Variants in EYS observed in about 807,000 individuals in gnomAD.
EYS encodes protein eyes shut homolog.
Under a neutral mutation model 282.1 loss-of-function variants are expected in EYS, and 250 were observed. The ratio of observed to expected loss-of-function variants is 0.89; its 90% CI spans 0.80 to 0.98. The LOEUF (loss-of-function observed/expected upper bound fraction) is 0.98. EYS is among the 50% of genes least tolerant of loss of function. The pLI is 0.00. For synonymous variants in EYS, 1,355 were observed against 1,282.9 expected, an observed-to-expected ratio of 1.06 and a Z score of -1.20; for missense variants, 4,016 against 3,709.0, an observed-to-expected ratio of 1.08 and a Z score of -2.15.
intron 36 of EYS, among the ~76,000 whole-genome samples, chr6:63,838,887 A>G (rs1165675484): frequency 6.6e-6 from 1 of 152,134 alleles, no homozygotes; most frequent in East Asian, 1.9e-4. Flanking sequence ...GAGTTTGAAT[A>G]CTATTTATAC....
At chr6:63,751,065 C>A (rs1431334153) in intron 41 of EYS, among the ~76,000 whole-genome samples, 1 of 152,038 alleles carries the variant, frequency 6.6e-6, no homozygotes, top group Non-Finnish European at 1.5e-5. Flanking sequence ...ACAATTCCTA[C>A]TGATGGTTAT....
chr6:65,231,844 A>T (rs1205578393), intron 12 of EYS, among the ~76,000 whole-genome samples: 1 of 151,846 alleles, frequency 6.6e-6, no homozygotes, highest in Non-Finnish European at 1.5e-5. Flanking sequence ...CTAAATCAGG[A>T]GAAAGCAAGT....
intron 31 of EYS, among the ~76,000 whole-genome samples, chr6:64,202,458 TTAA>T (rs544474677): frequency 1.2e-3 from 189 of 152,320 alleles, no homozygotes; most frequent in Middle Eastern, 3.4e-3. Flanking sequence ...TATTTTTTAC[TTAA>T]TAATAAATAA....
intron 5 of EYS, among the ~76,000 whole-genome samples, chr6:65,415,067 T>C (rs765022996): frequency 6.6e-6 from 1 of 152,122 alleles, no homozygotes; most frequent in Non-Finnish European, 1.5e-5. Context: ...AAATGGTTTA[T>C]AAAAGATGAA....
chr6:63,784,588 G>A (rs1311803768), intron 39 of EYS, among the ~76,000 whole-genome samples: 2 of 152,036 alleles, frequency 1.3e-5, no homozygotes, highest in East Asian at 3.9e-4. Context: ...TTACATGGCT[G>A]GAGCAGGAGG....
chr6:65,590,809 T>TG (rs1044764366), intron 2 of EYS, among the ~76,000 whole-genome samples: 7 of 151,466 alleles, frequency 4.6e-5, no homozygotes, highest in African/African-American at 1.5e-4. Context: ...AGAATTTTAA[T>TG]GTTTTTTTTT....
At chr6:64,662,812 C>G (rs1769090390) in intron 22 of EYS, among the ~76,000 whole-genome samples, 1 of 151,910 alleles carries the variant, frequency 6.6e-6, no homozygotes, top group South Asian at 2.1e-4. Context: ...AAGTAATTTC[C>G]CAAGATCACG....
intron 26 of EYS, among the ~76,000 whole-genome samples, chr6:64,548,705 C>T (rs1241246195): frequency 6.6e-6 from 1 of 152,040 alleles, no homozygotes; most frequent in East Asian, 1.9e-4. Flanking sequence ...GGAGGAGTAG[C>T]ATTAGGAGAT....
chr6:64,799,347 C>A (rs1226192605), intron 22 of EYS, among the ~76,000 whole-genome samples: 1 of 151,844 alleles, frequency 6.6e-6, no homozygotes, highest in Admixed American at 6.6e-5. Context: ...CCTGTTGAAG[C>A]CTTACACAAT....
chr6:63,981,208 C>T (rs932963890), intron 35 of EYS, among the ~76,000 whole-genome samples: 2 of 151,708 alleles, frequency 1.3e-5, no homozygotes, highest in African/African-American at 4.8e-5. Context: ...TTTTGGATTA[C>T]TGCACAAACT....
chr6:64,775,812 G>A (rs1773661413), intron 22 of EYS, among the ~76,000 whole-genome samples: 1 of 151,912 alleles, frequency 6.6e-6, no homozygotes, highest in African/African-American at 2.4e-5. Flanking sequence ...TAGAAAAGGG[G>A]ATAAACATCA....
At chr6:64,085,651 T>C (rs1772133649) in intron 31 of EYS, among the ~76,000 whole-genome samples, 1 of 152,234 alleles carries the variant, frequency 6.6e-6, no homozygotes, top group Non-Finnish European at 1.5e-5. Context: ...TGTTATATCC[T>C]GTTGTGCAAA....
intron 22 of EYS, among the ~76,000 whole-genome samples, chr6:64,722,472 C>A (rs1478332136): frequency 6.7e-6 from 1 of 148,774 alleles, no homozygotes; most frequent in African/African-American, 2.5e-5. Context: ...CAAAGGAAGA[C>A]AACATTCTAC....
intron 26 of EYS, among the ~76,000 whole-genome samples, chr6:64,520,686 G>T (rs1298729330): frequency 6.6e-6 from 1 of 151,704 alleles, no homozygotes; most frequent in East Asian, 1.9e-4. Context: ...CAGGAGAAAA[G>T]ATTTAGTACA....
chr6:64,260,972 GA>G (rs1767567915), intron 30 of EYS, among the ~76,000 whole-genome samples: 1 of 123,112 alleles, frequency 8.1e-6, no homozygotes, highest in Admixed American at 8.7e-5. Flanking sequence ...GCGTAATGAT[GA>G]AATCAGAGTA....
intron 7 of EYS, among the ~76,000 whole-genome samples, chr6:65,388,692 A>G (rs1250674059): frequency 6.6e-6 from 1 of 152,078 alleles, no homozygotes; most frequent in African/African-American, 2.4e-5. Context: ...CCTTGTAAGC[A>G]TTTAAAATAC....
At chr6:64,251,170 G>C (rs1348906195) in intron 30 of EYS, among the ~76,000 whole-genome samples, 2 of 152,162 alleles carry the variant, frequency 1.3e-5, no homozygotes, top group Non-Finnish European at 2.9e-5. Context: ...AATAGAGATA[G>C]TCTATTTACC....
At chr6:65,331,843 T>C (rs1298944733) in intron 11 of EYS, 1 of 462,480 alleles carries the variant, frequency 2.2e-6, no homozygotes, top group Non-Finnish European at 2.8e-6. Context: ...TTCATCTTTG[T>C]CTATTGCTGA....
chr6:64,891,822 T>A (rs1767300598), intron 18 of EYS, among the ~76,000 whole-genome samples: 1 of 152,048 alleles, frequency 6.6e-6, no homozygotes, highest in East Asian at 1.9e-4. Context: ...TAATAATATC[T>A]TCTATCTTGA....
Sources: gnomAD v4.1 joint callset for allele counts (sites outside exome capture counted in the v4.1 genomes callset) on GRCh38, gnomAD v4.1.1 for gene constraint, MANE v1.5 for transcripts, NCBI Gene and HGNC (gene_info 2026-07-23, HGNC 2026-07-21) for gene names.